SHROOM3: variants seen among roughly 807,000 people sequenced by gnomAD.
The protein encoded by SHROOM3 is protein Shroom3.
A neutral mutation model predicts 138.6 loss-of-function variants in SHROOM3; 47 were observed. The ratio of observed to expected loss-of-function variants is 0.34; its 90% CI spans 0.27 to 0.43. The LOEUF is 0.43. SHROOM3 is among the 20% of genes least tolerant of loss of function. The pLI, the probability that SHROOM3 is intolerant of heterozygous loss-of-function variation, is 1.00. For missense variants in SHROOM3, 2,491 were observed against 2,596.5 expected, an observed-to-expected ratio of 0.96 and a Z score of 0.88; for synonymous variants, 1,062 against 1,063.3, an observed-to-expected ratio of 1.00 and a Z score of 0.02.
At chr4:76,436,986 T>C (rs541785822) in intron 1 of SHROOM3, among the ~76,000 whole-genome samples, 3 of 152,246 alleles carry the variant, frequency 2.0e-5, no homozygotes, top group Non-Finnish European at 2.9e-5. Context: ...TTCACACATG[T>C]GCATTCATCA....
intron 1 of SHROOM3, among the ~76,000 whole-genome samples, chr4:76,518,967 C>G (rs372753888): frequency 7.2e-5 from 11 of 152,288 alleles, no homozygotes; most frequent in African/African-American, 2.6e-4. Context: ...AACACTGCCT[C>G]TCTCTGCTTG....
At position 76,759,529 on chromosome 4, in the gene SHROOM3, G is replaced by T. The variant is rs1308474715; in HGVS notation, c.5199-16G>T. On this transcript the variant is annotated splice_polypyrimidine_tract_variant and intron_variant, in intron 8 of 10. Coordinates refer to ENST00000296043, the MANE Select transcript of SHROOM3 (RefSeq NM_020859.4). The stretch of plus-strand genomic sequence containing the variant: ...CGTGATCTGTGTGGCTATACTTTGT[G>T]CTCTTTTTGGCCCAGGAATGAAGAC... The T allele has an allele frequency of 6.2e-7, 1 of 1,613,806 alleles. No homozygotes were observed. The highest frequency in any genetic ancestry group is 8.5e-7 in the Non-Finnish European group (1 of 1,179,928).
chr4:76,661,754 A>C (rs529487043), intron 2 of SHROOM3, among the ~76,000 whole-genome samples: 1 of 152,270 alleles, frequency 6.6e-6, no homozygotes, highest in South Asian at 2.1e-4. Context: ...GCTTGTATTA[A>C]TAGTTCATTG....
rs762556045 is a variant in SHROOM3, at chr4:76,740,963, C to T, written c.2790C>T (p.Asp930=). The change falls in exon 5 of 11, where the codon GAC becomes GAT. Residue 930 remains aspartate, a synonymous_variant. Coordinates refer to ENST00000296043, the MANE Select transcript of SHROOM3 (RefSeq NM_020859.4). This position sits in a 1 kb window ranked among gnomAD's most constrained non-coding sequence, Gnocchi z 4.0. ...GCGCCTACCGGAACAGCATCAAGGA[C>T]GCACAGTCCCGTGTCTTGGGGGCCA... ...FSRAYRNSIK[D]AQSRVLGATS... 36 of 1,496,772 alleles carry T rather than the reference C, an allele frequency of 2.4e-5. No individual in the cohort carries two copies. The highest frequency in any genetic ancestry group is 1.8e-4 in the Middle Eastern group (1 of 5,652). The allele number at this position is 1,496,772 out of a possible 1,614,324, so 92.7% of individuals were successfully genotyped here. A position where few individuals can be genotyped will look rare whatever the true frequency, so the allele number is the denominator to read the frequency against.
chr4:76,644,079 G>C (rs192099035), intron 2 of SHROOM3, among the ~76,000 whole-genome samples: 84 of 152,074 alleles, frequency 5.5e-4, no homozygotes, highest in African/African-American at 1.7e-3. Flanking sequence ...CCTGACCTCA[G>C]GTGATCTGCC....
chr4:76,764,912 T>G (rs1325770015), intron 9 of SHROOM3, among the ~76,000 whole-genome samples: 3 of 152,222 alleles, frequency 2.0e-5, no homozygotes, highest in Non-Finnish European at 1.5e-5. Flanking sequence ...CATTCTGTCT[T>G]CAAATATTCT....
intron 2 of SHROOM3, among the ~76,000 whole-genome samples, chr4:76,700,874 T>G (rs1011006432): frequency 6.6e-6 from 1 of 152,102 alleles, no homozygotes; most frequent in Admixed American, 6.5e-5. Context: ...TTCCTCCACC[T>G]CCTGGGTTCA....
chr4:76,527,986 T>A (rs1732735313), intron 1 of SHROOM3, among the ~76,000 whole-genome samples: 1 of 152,218 alleles, frequency 6.6e-6, no homozygotes, highest in Non-Finnish European at 1.5e-5. Context: ...GGGCAACAAC[T>A]GCAATGCCTA....
intron 2 of SHROOM3, among the ~76,000 whole-genome samples, chr4:76,704,803 G>A (rs950373942): frequency 3.3e-5 from 5 of 152,134 alleles, no homozygotes; most frequent in Non-Finnish European, 7.4e-5. Context: ...AGAAGTGGAA[G>A]GGGGAGGCCA....
intron 1 of SHROOM3, among the ~76,000 whole-genome samples, chr4:76,442,441 G>A (rs1730711418): frequency 8.3e-6 from 1 of 120,582 alleles, no homozygotes; most frequent in Non-Finnish European, 1.6e-5. Flanking sequence ...ACAGAGTCTT[G>A]CTCTGTCGCC....
At position 76,463,890 on chromosome 4, in the gene SHROOM3, G is replaced by A. The variant is rs79695311; in HGVS notation, c.168+27670G>A. Among the ~76,000 whole-genome samples, 804 of 152,370 alleles carry A rather than the reference G, an allele frequency of 5.3e-3. 8 individuals are homozygous for A. Among genetic ancestry groups the A allele is most frequent in the African/African-American group, 0.019 (772 of 41,586 alleles). ...TGAAAGCTTCTACCTAGAGTTCAGA[G>A]TGTGTATGGAAATTCCTGGATGTCC... On this transcript the variant is annotated intron_variant, in intron 1 of 10. Transcript: ENST00000296043.
At chr4:76,718,591 T>G (rs1315459538) in intron 3 of SHROOM3, among the ~76,000 whole-genome samples, 1 of 152,232 alleles carries the variant, frequency 6.6e-6, no homozygotes, top group African/African-American at 2.4e-5. Context: ...TGCCTCTAAT[T>G]TCTTACTTAT....
Position 76,492,734 on chromosome 4 carries a change from C to T in SHROOM3, c.168+56514C>T, listed in dbSNP as rs556636210. Reference sequence around the variant, plus strand: ...TAAATCATGCATGAGATCCTATACACGTGAACTTAGACTTTCTATGGTAAG... The same window carrying T: ...TAAATCATGCATGAGATCCTATACATGTGAACTTAGACTTTCTATGGTAAG... On this transcript the variant is annotated intron_variant, in intron 1 of 10. Coordinates refer to ENST00000296043, the MANE Select transcript of SHROOM3 (RefSeq NM_020859.4). Among the ~76,000 whole-genome samples the T allele has an allele frequency of 6.6e-5, 10 of 152,250 alleles. No individual in the cohort carries two copies. In the East Asian group the frequency reaches 1.5e-3, roughly 23 times the overall value.
chr4:76,554,099 G>A (rs1311602719), intron 1 of SHROOM3, among the ~76,000 whole-genome samples: 2 of 152,170 alleles, frequency 1.3e-5, no homozygotes, highest in Non-Finnish European at 2.9e-5. Context: ...AATATTCTGT[G>A]CCACCATATT....
At position 76,664,508 on chromosome 4, in the gene SHROOM3, T is replaced by A. The variant is rs1718634744; in HGVS notation, c.324-45648T>A. 6.6e-6 allele frequency among the ~76,000 whole-genome samples: 1 copy of A among 152,224 alleles called. No homozygotes were observed. Among genetic ancestry groups the A allele is most frequent in the South Asian group, 2.1e-4 (1 of 4,828 alleles). On this transcript the variant is annotated intron_variant, in intron 2 of 10. Transcript: ENST00000296043. The surrounding 1 kb of genome is among the most constrained non-coding windows in gnomAD (Gnocchi z 4.2). ...AAAAATAATGATGCCTGTGCTACAA[T>A]TAAAATAGTCGTGATGATGATGATG...
In SHROOM3 at chr4:76,436,030, A is replaced by G; in HGVS notation, c.-23A>G. The G allele has an allele frequency of 1.9e-6, 3 of 1,612,838 alleles. No individual in the cohort carries two copies. Among genetic ancestry groups the G allele is most frequent in the Non-Finnish European group, 2.5e-6 (3 of 1,179,438 alleles). On this transcript the variant is annotated 5_prime_UTR_variant, in exon 1 of 11. Transcript: ENST00000296043. ...GTTTGCTTCAGGCATTTTAAATTTAACTTGAGGGATCATGTGTTTGGCATG... is the reference window on the plus strand; with the variant it reads ...GTTTGCTTCAGGCATTTTAAATTTAGCTTGAGGGATCATGTGTTTGGCATG...
chr4:76,680,191 A>C (rs72661499), intron 2 of SHROOM3, among the ~76,000 whole-genome samples: 17,794 of 146,074 alleles, frequency 0.12, 1,084 homozygotes, highest in East Asian at 0.17. Flanking sequence ...CCCAGACTGG[A>C]GTACAGTGGC....
Position 76,740,798 on chromosome 4 carries a change from C to T in SHROOM3, c.2625C>T (p.Gly875=), listed in dbSNP as rs909329200. The T allele has an allele frequency of 6.2e-7, 1 of 1,609,758 alleles. No individual in the cohort carries two copies. Among genetic ancestry groups the T allele is most frequent in the African/African-American group, 1.3e-5 (1 of 74,820 alleles). Residue 875 remains glycine, a synonymous_variant, in exon 5 of 11, where the codon GGC becomes GGT. Transcript: ENST00000296043. The surrounding 1 kb of genome is among the most constrained non-coding windows in gnomAD (Gnocchi z 4.0). ...QQLSGGASDS[G]RGPQRPDARL... ...TGAGCGGAGGAGCGTCGGACAGCGGCCGTGGCCCCCAGAGGCCGGACGCTC... is the reference window on the plus strand; with the variant it reads ...TGAGCGGAGGAGCGTCGGACAGCGGTCGTGGCCCCCAGAGGCCGGACGCTC...
At chr4:76,460,262 T>C (rs1191299438) in intron 1 of SHROOM3, among the ~76,000 whole-genome samples, 3 of 152,312 alleles carry the variant, frequency 2.0e-5, no homozygotes, top group South Asian at 2.1e-4. Context: ...ATATTTGTGA[T>C]TGGCTACATC....
Sources: gnomAD v4.1 joint callset for allele counts (sites outside exome capture counted in the v4.1 genomes callset) on GRCh38, gnomAD v4.1.1 for gene constraint, Gnocchi (gnomAD v3.1) non-coding constraint, MANE v1.5 for transcripts, NCBI Gene and HGNC (gene_info 2026-07-23, HGNC 2026-07-21) for gene names.